The following PDZD9 variants were observed in gnomAD, a reference collection of about 807,000 sequenced individuals.
The protein encoded by PDZD9 is PDZ domain containing 9, also known as PDZ domain-containing protein 9.
In PDZD9, 13 loss-of-function variants were observed where a neutral mutation model predicts 16.3. The observed-to-expected ratio is 0.80, with a 90% CI of 0.52 to 1.27. The LOEUF (loss-of-function observed/expected upper bound fraction) is 1.27. PDZD9 is among the 50% of genes most tolerant of loss of function. The probability of loss-of-function intolerance (pLI) is 0.00; values close to 1 mark genes in which losing one functional copy is unlikely to be tolerated. For missense variants in PDZD9, 288 were observed against 310.9 expected, an observed-to-expected ratio of 0.93 and a Z score of 0.55; for synonymous variants, 120 against 111.0, an observed-to-expected ratio of 1.08 and a Z score of -0.51.
chr16:21,992,385 C>T (rs1351703527), intron 2 of PDZD9, among the ~76,000 whole-genome samples: 2 of 152,130 alleles, frequency 1.3e-5, no homozygotes, highest in Non-Finnish European at 2.9e-5. Flanking sequence ...TTAATATTGT[C>T]AACTTGATCG....
chr16:21,976,636 T>C, the PDZD9 span: 2 of 162,574 alleles, frequency 1.2e-5, no homozygotes, highest in South Asian at 1.7e-4. Flanking sequence ...TACACTGGGG[T>C]TACGTCCTGA....
In PDZD9 at chr16:21,984,411, C is replaced by CGTG; in HGVS notation, c.650_651insCAC (p.Arg217delinsSerThr). 3.7e-6 allele frequency: 6 copies of CGTG among 1,614,080 alleles called. No homozygotes were observed. Among genetic ancestry groups the CGTG allele is most frequent in the Non-Finnish European group, 5.1e-6 (6 of 1,180,012 alleles). On this transcript the variant is annotated protein_altering_variant, in exon 4 of 4. Coordinates refer to ENST00000424898, the MANE Select transcript of PDZD9 (RefSeq NM_001363519.1). The stretch of plus-strand genomic sequence containing the variant: ...CCATTATCCAGTATGGAGAAGGGGC[C>CGTG]CTCACTTCTTTCTTGTCGTCTCTGT...
intron 2 of PDZD9, among the ~76,000 whole-genome samples, chr16:21,989,922 G>C (rs1035091998): frequency 2.0e-5 from 3 of 152,158 alleles, no homozygotes; most frequent in African/African-American, 7.2e-5. Context: ...TCATGGACCT[G>C]TGAGTGAGAT....
the PDZD9 span, among the ~76,000 whole-genome samples, chr16:21,964,901 A>G: frequency 6.6e-6 from 1 of 152,244 alleles, no homozygotes; most frequent in Admixed American, 6.5e-5. Flanking sequence ...GCAAAAAGGC[A>G]TTGAAGCAAG....
At chr16:21,966,150 C>CAAA in the PDZD9 span, among the ~76,000 whole-genome samples, 1 of 140,414 alleles carries the variant, frequency 7.1e-6, no homozygotes, top group Non-Finnish European at 1.6e-5. Context: ...CCTGTCTCTA[C>CAAA]AAAAAAAAAA....
the PDZD9 span, among the ~76,000 whole-genome samples, chr16:21,969,279 A>G: frequency 7.2e-4 from 109 of 152,314 alleles, 1 homozygote; most frequent in Non-Finnish European, 1.1e-3. Flanking sequence ...CATGCCTGTA[A>G]TCCTAGCACT....
intron 2 of PDZD9, among the ~76,000 whole-genome samples, chr16:21,992,445 C>T (rs561451938): frequency 6.6e-6 from 1 of 152,132 alleles, no homozygotes; most frequent in East Asian, 1.9e-4. Context: ...GAAGGTGTTG[C>T]CAGAAAAGAT....
chr16:21,960,438 A>G, the PDZD9 span, among the ~76,000 whole-genome samples: 1 of 152,204 alleles, frequency 6.6e-6, no homozygotes, highest in Non-Finnish European at 1.5e-5. Flanking sequence ...ACTTAAGGGA[A>G]TACAGTTTGA....
chr16:21,972,069 A>G, the PDZD9 span: 6 of 1,614,070 alleles, frequency 3.7e-6, no homozygotes, highest in South Asian at 6.6e-5. Context: ...GGGCAGCAAC[A>G]CCACCAGCCA....
chr16:21,961,619 A>G, the PDZD9 span, among the ~76,000 whole-genome samples: 2 of 79,048 alleles, frequency 2.5e-5, no homozygotes, highest in African/African-American at 3.4e-5. Flanking sequence ...TGTATATAAC[A>G]TAAAATTTAT....
the PDZD9 span, chr16:21,959,236 C>G: frequency 1.9e-5 from 3 of 159,426 alleles, no homozygotes; most frequent in Non-Finnish European, 2.8e-5. Flanking sequence ...TGTTTTTAGC[C>G]GTTTACCCAC....
rs1049792230 is a variant in PDZD9, at chr16:21,996,341, G to A, written c.192C>T (p.Asn64=). The change falls in exon 2 of 4, where the codon AAC becomes AAT. Residue 64 remains asparagine, a synonymous_variant. Coordinates refer to ENST00000424898, the MANE Select transcript of PDZD9 (RefSeq NM_001363519.1). The part of the protein sequence containing the change: ...THLIRKGAAA[N]DGKLQPGDVL... ...AATCACCTGGCTGGAGTTTCCCGTC[G>A]TTGGCTGCAGCCCCCTTCCTGATGA... 29 of 1,535,582 alleles carry A rather than the reference G, an allele frequency of 1.9e-5. No individual in the cohort carries two copies. The highest frequency in any genetic ancestry group is 5.9e-5 in the South Asian group (5 of 84,040).
At chr16:21,982,996 C>T, downstream of PDZD9, 1 of 1,065,024 alleles carries the variant, frequency 9.4e-7, no homozygotes, top group East Asian at 2.6e-5. Flanking sequence ...ATGTCCTATC[C>T]ATAAATTCTT....
At chr16:21,961,664 A>ATATATATATATATT in the PDZD9 span, among the ~76,000 whole-genome samples, 1 of 103,986 alleles carries the variant, frequency 9.6e-6, no homozygotes, top group East Asian at 3.3e-4. Flanking sequence ...ATATATATAT[A>ATATATATATATATT]TATATTTTAG....
chr16:21,981,087 C>T (rs1898714881), downstream of PDZD9, among the ~76,000 whole-genome samples: 1 of 152,182 alleles, frequency 6.6e-6, no homozygotes, highest in Non-Finnish European at 1.5e-5. Flanking sequence ...TTAGCAGTTT[C>T]ATATGATCCA....
At chr16:21,964,361 T>A in the PDZD9 span, among the ~76,000 whole-genome samples, 3 of 152,150 alleles carry the variant, frequency 2.0e-5, no homozygotes, top group Non-Finnish European at 2.9e-5. Context: ...CAGGTTTACG[T>A]CTTGAGTCCA....
chr16:21,969,874 G>GTT, the PDZD9 span, among the ~76,000 whole-genome samples: 1 of 143,662 alleles, frequency 7.0e-6, no homozygotes, highest in Non-Finnish European at 1.5e-5. Context: ...CTTTGTTTTT[G>GTT]TTTTTTTTTT....
chr16:21,968,561 T>G, the PDZD9 span: 3,444 of 1,440,192 alleles, frequency 2.4e-3, 6 homozygotes, highest in Non-Finnish European at 2.8e-3. Context: ...CAAACTGTAC[T>G]TTTATGTTTT....
rs543700952 is a variant in PDZD9 at position 21,992,629 on chromosome 16, G to C, written c.211+3693C>G. Among the ~76,000 whole-genome samples, 9 of 152,226 alleles carry C rather than the reference G, an allele frequency of 5.9e-5. No individual in the cohort carries two copies. In the South Asian group the frequency reaches 6.3e-4, roughly 11 times the overall value. On this transcript the variant is annotated intron_variant, in intron 2 of 3. Transcript: ENST00000424898. ...CCTGTGCTGGATGCTTCCTGCCCTC[G>C]AACATCAGACTCAAGTTCTTTGGCT...
Sources: allele counts gnomAD v4.1 joint callset (sites outside exome capture counted in the v4.1 genomes callset), GRCh38; gene constraint gnomAD v4.1.1; transcripts MANE v1.5; gene names NCBI Gene and HGNC (gene_info 2026-07-23, HGNC 2026-07-21).